The following ASCC3 variants were observed in gnomAD, a reference collection of about 807,000 sequenced individuals.
ASCC3 encodes the protein activating signal cointegrator 1 complex subunit 3.
A neutral mutation model predicts 256.3 loss-of-function variants in ASCC3; 158 were observed. The ratio of observed to expected loss-of-function variants is 0.62; its 90% CI spans 0.54 to 0.70. ASCC3 has a LOEUF of 0.70. Ranked by LOEUF, ASCC3 falls within the 30% of genes least tolerant of loss-of-function variation. The pLI is 0.00. For missense variants in ASCC3, 2,259 were observed against 2,626.0 expected (o/e 0.86, Z 3.05); for synonymous variants, 948 against 883.4 (o/e 1.07, Z -1.30).
intron 34 of ASCC3, among the ~76,000 whole-genome samples, chr6:100,596,956 T>C (rs2114786461): frequency 6.6e-6 from 1 of 152,258 alleles, no homozygotes; most frequent in East Asian, 1.9e-4. Flanking sequence ...TTATCCTACT[T>C]CAGCGACATC....
At position 100,650,396 on chromosome 6, in the gene ASCC3, A is replaced by T. The variant is rs889971016; in HGVS notation, c.3252+142T>A. The T allele has an allele frequency of 4.5e-5, 37 of 831,096 alleles. No individual in the cohort carries two copies. In the Middle Eastern group the frequency reaches 4.3e-3, roughly 97 times the overall value. The allele number at this position is 831,096 out of a possible 1,614,324, so 51.5% of individuals were successfully genotyped here. On this transcript the variant is annotated intron_variant, in intron 20 of 41. Coordinates refer to ENST00000369162, the MANE Select transcript of ASCC3 (RefSeq NM_006828.4). ...GCATAGATTACATAAAATATTTACA[A>T]ATTAGCAGAAACAGTTCTAAGTAAA...
chr6:100,734,936 T>C (rs1213138972), intron 10 of ASCC3, among the ~76,000 whole-genome samples: 2 of 152,166 alleles, frequency 1.3e-5, no homozygotes, highest in African/African-American at 4.8e-5. Context: ...TGAGAACACA[T>C]TGATTGATAC....
At position 100,719,211 on chromosome 6, in the gene ASCC3, T is replaced by C. The variant is rs1779212670; in HGVS notation, c.1903-960A>G. ...GGGTAAAAATTAAAGTACCAATACATATATAGTATCTTATTATAAATTTGT... is the reference window on the plus strand; with the variant it reads ...GGGTAAAAATTAAAGTACCAATACACATATAGTATCTTATTATAAATTTGT... On this transcript the variant is annotated intron_variant, in intron 11 of 41. Coordinates refer to ENST00000369162, the MANE Select transcript of ASCC3 (RefSeq NM_006828.4). Among the ~76,000 whole-genome samples the C allele has an allele frequency of 2.6e-5, 4 of 152,176 alleles. No homozygotes were observed. The South Asian group carries it at 8.3e-4, about 32-fold the overall frequency.
At chr6:100,836,812 A>G (rs901191956) in intron 4 of ASCC3, among the ~76,000 whole-genome samples, 1 of 152,098 alleles carries the variant, frequency 6.6e-6, no homozygotes, top group Non-Finnish European at 1.5e-5. Flanking sequence ...ATTTGAGTAG[A>G]ACTATTACAA....
chr6:100,815,062 C>T (rs534960145), intron 4 of ASCC3, among the ~76,000 whole-genome samples: 1 of 151,784 alleles, frequency 6.6e-6, no homozygotes, highest in Non-Finnish European at 1.5e-5. Flanking sequence ...ACTTTTTGAT[C>T]AGGAAAGTCT....
chr6:100,689,703 A>AC (rs1323024438), intron 13 of ASCC3, among the ~76,000 whole-genome samples: 1 of 152,200 alleles, frequency 6.6e-6, no homozygotes, highest in African/African-American at 2.4e-5. Flanking sequence ...TTCCATTCAC[A>AC]CCTTTATTAA....
intron 36 of ASCC3, among the ~76,000 whole-genome samples, chr6:100,576,043 A>G (rs1461135899): frequency 6.6e-6 from 1 of 152,072 alleles, no homozygotes; most frequent in Non-Finnish European, 1.5e-5. Flanking sequence ...ATATCTAATT[A>G]GACTACTTAC....
intron 10 of ASCC3, among the ~76,000 whole-genome samples, chr6:100,753,075 A>C (rs1258556140): frequency 6.6e-6 from 1 of 152,076 alleles, no homozygotes; most frequent in Non-Finnish European, 1.5e-5. Context: ...CTCTAACCTG[A>C]TTCTTATAAG....
intron 34 of ASCC3, among the ~76,000 whole-genome samples, chr6:100,592,898 C>T (rs1320042129): frequency 2.6e-5 from 4 of 151,992 alleles, no homozygotes; most frequent in Non-Finnish European, 4.4e-5. Flanking sequence ...AAGGATAAAA[C>T]GTAGTTTTAT....
intron 36 of ASCC3, among the ~76,000 whole-genome samples, chr6:100,544,170 A>G (rs2114671133): frequency 6.6e-6 from 1 of 152,258 alleles, no homozygotes; most frequent in East Asian, 1.9e-4. Context: ...TCATTGGAAC[A>G]GTACTTAGGA....
At chr6:100,616,283 T>C (rs1392955790) in intron 30 of ASCC3, among the ~76,000 whole-genome samples, 3 of 152,182 alleles carry the variant, frequency 2.0e-5, no homozygotes, top group South Asian at 2.1e-4. Context: ...GTGGATTATG[T>C]TTAGCTTAAA....
chr6:100,589,552 T>C (rs1376938168), intron 36 of ASCC3, 82 bp downstream of exon 36: 96 of 1,546,826 alleles, frequency 6.2e-5, no homozygotes, highest in Non-Finnish European at 4.2e-5. Context: ...AAATGGTTTC[T>C]GTTAAATTTC....
At chr6:100,637,436 C>T (rs1774896416) in intron 25 of ASCC3, among the ~76,000 whole-genome samples, 1 of 152,142 alleles carries the variant, frequency 6.6e-6, no homozygotes, top group Admixed American at 6.6e-5. Flanking sequence ...TGGACATGTA[C>T]AAAGAGATGA....
rs759141097 is a variant in ASCC3 at position 100,718,158 on chromosome 6, A to T, written c.1996T>A (p.Tyr666Asn). The change falls in exon 12 of 42, where the codon TAC becomes AAC. Residue 666 changes from tyrosine (Y) to asparagine (N), a missense_variant. Around this residue, in one of 2 missense-constraint regions of ASCC3, gnomAD observed 1,839 missense variants for 2,206.7 expected, o/e 0.83. Transcript: ENST00000369162. ...CCATCAAAGAAGAAAAGTCCAATGTATGGATTAACATGTAAAAATGTGGCA... is the reference window on the plus strand; with the variant it reads ...CCATCAAAGAAGAAAAGTCCAATGTTTGGATTAACATGTAAAAATGTGGCA... ...DVATFLHVNP[Y>N]IGLFFFDGRF... 2 of 1,613,746 alleles carry T rather than the reference A, an allele frequency of 1.2e-6. No individual in the cohort carries two copies. The highest frequency in any genetic ancestry group is 1.7e-6 in the Non-Finnish European group (2 of 1,179,782).
At chr6:100,617,448 T>G (rs1366776302) in intron 30 of ASCC3, among the ~76,000 whole-genome samples, 1 of 152,210 alleles carries the variant, frequency 6.6e-6, no homozygotes, top group Non-Finnish European at 1.5e-5. Context: ...TGCAGAATAT[T>G]GGGTGGAAGC....
chr6:100,658,599 T>C (rs1043092892), intron 16 of ASCC3, among the ~76,000 whole-genome samples: 1 of 151,428 alleles, frequency 6.6e-6, no homozygotes, highest in Non-Finnish European at 1.5e-5. Flanking sequence ...ACTCTATCAT[T>C]TACTGTAAAC....
intron 30 of ASCC3, among the ~76,000 whole-genome samples, chr6:100,623,574 G>C (rs529097747): frequency 1.3e-5 from 2 of 152,098 alleles, no homozygotes; most frequent in Non-Finnish European, 2.9e-5. Context: ...GTTTTTTACT[G>C]ATGCCGAACA....
chr6:100,558,250 G>A (rs891388266), intron 36 of ASCC3, among the ~76,000 whole-genome samples: 20 of 151,862 alleles, frequency 1.3e-4, no homozygotes, highest in African/African-American at 4.4e-4. Flanking sequence ...ATATATTTCT[G>A]GTAAAAAAAT....
intron 30 of ASCC3, among the ~76,000 whole-genome samples, chr6:100,624,199 T>C (rs1244039773): frequency 6.6e-6 from 1 of 151,876 alleles, no homozygotes; most frequent in Admixed American, 6.6e-5. Flanking sequence ...GATTAATATG[T>C]ATATATGTAT....
Sources: gnomAD v4.1 joint callset for allele counts (sites outside exome capture counted in the v4.1 genomes callset) on GRCh38, gnomAD v4.1.1 for gene constraint, gnomAD v4.1.1 regional missense constraint, MANE v1.5 for transcripts, NCBI Gene and HGNC (gene_info 2026-07-23, HGNC 2026-07-21) for gene names.